GRIN2A: variants seen among roughly 807,000 people sequenced by gnomAD.
The protein encoded by GRIN2A is glutamate ionotropic receptor NMDA type subunit 2A.
Under a neutral mutation model 113.4 loss-of-function variants are expected in GRIN2A, and 22 were observed. That is an observed-to-expected ratio of 0.19 (90% CI 0.14 to 0.28). The LOEUF (loss-of-function observed/expected upper bound fraction) is 0.28, where lower values mean the gene tolerates loss of function less well. Ranked by LOEUF, GRIN2A falls within the 10% of genes least tolerant of loss-of-function variation. The pLI is 1.00. For missense variants in GRIN2A, 1,502 were observed against 1,887.0 expected (o/e 0.80, Z 3.78); for synonymous variants, 827 against 738.4 (o/e 1.12, Z -1.94).
intron 3 of GRIN2A, among the ~76,000 whole-genome samples, chr16:9,921,872 A>G (rs2044364957): frequency 6.6e-6 from 1 of 152,260 alleles, no homozygotes; most frequent in African/African-American, 2.4e-5. Flanking sequence ...GCCAGACAGC[A>G]AAACATTAAC....
intron 2 of GRIN2A, among the ~76,000 whole-genome samples, chr16:9,997,761 G>C (rs1018361245): frequency 1.2e-4 from 18 of 152,148 alleles, no homozygotes; most frequent in African/African-American, 4.3e-4. Flanking sequence ...GGTTTTTCCT[G>C]TGCTATTCTC....
At chr16:9,877,269 G>A (rs926576073) in intron 4 of GRIN2A, among the ~76,000 whole-genome samples, 1 of 152,170 alleles carries the variant, frequency 6.6e-6, no homozygotes, top group Non-Finnish European at 1.5e-5. Flanking sequence ...TAGAATAGGT[G>A]CTCAACAAAT....
At chr16:9,824,609 C>T (rs905287019) in intron 9 of GRIN2A, among the ~76,000 whole-genome samples, 2 of 152,152 alleles carry the variant, frequency 1.3e-5, no homozygotes, top group Admixed American at 6.5e-5. Flanking sequence ...TACCATCACC[C>T]ACACAAAATT....
intron 5 of GRIN2A, among the ~76,000 whole-genome samples, chr16:9,841,363 G>A (rs2042675962): frequency 6.6e-6 from 1 of 152,142 alleles, no homozygotes; most frequent in Non-Finnish European, 1.5e-5. Flanking sequence ...CATACTAATT[G>A]TTGAATTAAT....
At chr16:10,057,146 G>C (rs573356991) in intron 2 of GRIN2A, among the ~76,000 whole-genome samples, 10 of 152,082 alleles carry the variant, frequency 6.6e-5, no homozygotes, top group Admixed American at 1.3e-4. Flanking sequence ...ACTTTATTTA[G>C]GGTCTATGTG....
intron 5 of GRIN2A, 88 bp from the exon 6 acceptor site, chr16:9,841,192 A>T: frequency 8.7e-7 from 1 of 1,152,914 alleles, no homozygotes; most frequent in Non-Finnish European, 1.3e-6. Flanking sequence ...TATTTTTCAG[A>T]TGAGTAAACT....
At chr16:10,065,381 G>A (rs749677724) in intron 2 of GRIN2A, among the ~76,000 whole-genome samples, 4 of 152,256 alleles carry the variant, frequency 2.6e-5, no homozygotes, top group Non-Finnish European at 4.4e-5. Context: ...TTACAACCAC[G>A]ATTTTCTTTC....
At chr16:9,859,703 A>G (rs776815348) in intron 4 of GRIN2A, among the ~76,000 whole-genome samples, 7 of 151,428 alleles carry the variant, frequency 4.6e-5, no homozygotes, top group Non-Finnish European at 7.4e-5. Context: ...CCTGAACGAC[A>G]CCCACTTTCC....
intron 2 of GRIN2A, among the ~76,000 whole-genome samples, chr16:10,096,191 G>T (rs1238414076): frequency 6.6e-6 from 1 of 152,120 alleles, no homozygotes; most frequent in Non-Finnish European, 1.5e-5. Context: ...TGTTTTTTAG[G>T]CTCCTTGGGT....
chr16:10,024,055 C>T (rs1272785021), intron 2 of GRIN2A, among the ~76,000 whole-genome samples: 1 of 152,134 alleles, frequency 6.6e-6, no homozygotes, highest in African/African-American at 2.4e-5. Context: ...AGCCAGAATT[C>T]GAATCCAAAG....
At chr16:9,975,399 C>T (rs1221186691) in intron 2 of GRIN2A, among the ~76,000 whole-genome samples, 1 of 152,142 alleles carries the variant, frequency 6.6e-6, no homozygotes, top group Non-Finnish European at 1.5e-5. Context: ...AGAGAAGTAG[C>T]AGAGAAGAAG....
intron 2 of GRIN2A, among the ~76,000 whole-genome samples, chr16:10,071,824 A>C (rs2047758029): frequency 6.6e-6 from 1 of 152,212 alleles, no homozygotes; most frequent in Non-Finnish European, 1.5e-5. Flanking sequence ...GACACCAGGC[A>C]GGGGTTAAAT....
intron 2 of GRIN2A, among the ~76,000 whole-genome samples, chr16:10,163,981 G>A (rs1259811989): frequency 1.3e-5 from 2 of 152,210 alleles, no homozygotes; most frequent in African/African-American, 4.8e-5. Context: ...AAAAGTCTGA[G>A]AATAAGTTTA....
chr16:9,959,888 G>T (rs531471508), intron 2 of GRIN2A, among the ~76,000 whole-genome samples: 13 of 152,306 alleles, frequency 8.5e-5, no homozygotes, highest in African/African-American at 3.1e-4. Flanking sequence ...CAACAGAATC[G>T]CTTGAACCCG....
At chr16:10,044,196 G>C (rs1275134828) in intron 2 of GRIN2A, among the ~76,000 whole-genome samples, 2 of 151,720 alleles carry the variant, frequency 1.3e-5, no homozygotes, top group African/African-American at 4.9e-5. Context: ...ACCATGCCCA[G>C]CTAATTTTTG....
At position 10,016,189 on chromosome 16, in the gene GRIN2A, C is replaced by T. The variant is rs577629674; in HGVS notation, c.415-77638G>A. Among the ~76,000 whole-genome samples the T allele has an allele frequency of 3.3e-5, 5 of 150,338 alleles. No individual in the cohort carries two copies. The South Asian group carries it at 6.3e-4, about 19-fold the overall frequency. On this transcript the variant is annotated intron_variant, in intron 2 of 12. Transcript: ENST00000330684. ...GGGAAACCCAGGGTAATGTAAGAGGCGCAGAGAAGAGGCCCCCTAATTCAG... is the reference window on the plus strand; with the variant it reads ...GGGAAACCCAGGGTAATGTAAGAGGTGCAGAGAAGAGGCCCCCTAATTCAG...
chr16:9,965,035 C>A (rs547532263), intron 2 of GRIN2A, among the ~76,000 whole-genome samples: 3 of 152,254 alleles, frequency 2.0e-5, no homozygotes, highest in African/African-American at 7.2e-5. Flanking sequence ...AATAAGCATG[C>A]AAATATAAAC....
At chr16:9,879,523 G>A (rs1431709803) in intron 4 of GRIN2A, among the ~76,000 whole-genome samples, 1 of 152,110 alleles carries the variant, frequency 6.6e-6, no homozygotes, top group Non-Finnish European at 1.5e-5. Flanking sequence ...AGATTCCGCG[G>A]CCACTATTCC....
intron 2 of GRIN2A, among the ~76,000 whole-genome samples, chr16:10,042,015 T>C (rs1238630998): frequency 1.3e-5 from 2 of 152,166 alleles, no homozygotes; most frequent in African/African-American, 4.8e-5. Flanking sequence ...TGTGCAATGA[T>C]TGCACACAGT....
Sources: gnomAD v4.1 joint callset for allele counts (sites outside exome capture counted in the v4.1 genomes callset) on GRCh38, gnomAD v4.1.1 for gene constraint, MANE v1.5 for transcripts, NCBI Gene and HGNC (gene_info 2026-07-23, HGNC 2026-07-21) for gene names.